SNAP47: variants seen among roughly 807,000 people sequenced by gnomAD.
The protein encoded by SNAP47 is synaptosomal-associated protein 47.
SNAP47 carries 20 observed loss-of-function variants against 31.4 expected under a neutral mutation model. The observed-to-expected ratio is 0.64, with a 90% CI of 0.45 to 0.93. SNAP47 has a LOEUF of 0.93. SNAP47 is among the 40% of genes least tolerant of loss of function. SNAP47 has a pLI of 0.00. For missense variants in SNAP47, 492 were observed against 528.5 expected (o/e 0.93, Z 0.68); for synonymous variants, 194 against 213.4 (o/e 0.91, Z 0.79).
Position 227,780,843 on chromosome 1 carries a change from C to A in SNAP47, c.*170C>A. The A allele has an allele frequency of 1.2e-6, 1 of 856,908 alleles. No homozygotes were observed. The highest frequency in any genetic ancestry group is 1.7e-6 in the Non-Finnish European group (1 of 572,052). 53.1% of individuals were successfully genotyped at this position (856,908 alleles called of 1,614,324 possible). ...CACCAGGGGCCTCCCCAGGTGTGCA[C>A]CATGCCTGCCTCCCACTTGGCTGTC... On this transcript the variant is annotated 3_prime_UTR_variant, in exon 5 of 5. Coordinates refer to ENST00000617596, the MANE Select transcript of SNAP47 (RefSeq NM_053052.4).
rs1406958027 is a variant in SNAP47, at chr1:227,781,177, G to A, written c.*504G>A. On this transcript the variant is annotated 3_prime_UTR_variant, in exon 5 of 5. Transcript: ENST00000617596. Reference sequence around the variant, plus strand: ...CTTTCAAACAAAAATATTGATTTCTGCTTTTAGGGCCCCGTTTCCATCCAG... The same window carrying A: ...CTTTCAAACAAAAATATTGATTTCTACTTTTAGGGCCCCGTTTCCATCCAG... 6.5e-6 allele frequency: 1 copy of A among 153,618 alleles called. No homozygotes were observed. The highest frequency in any genetic ancestry group is 1.4e-5 in the Non-Finnish European group (1 of 69,058). The allele number at this position is 153,618 out of a possible 1,614,324, so 9.5% of individuals were successfully genotyped here. A position where few individuals can be genotyped will look rare whatever the true frequency, so the allele number is the denominator to read the frequency against.
upstream of SNAP47, chr1:227,732,257 G>T: frequency 9.8e-7 from 1 of 1,025,418 alleles, no homozygotes; most frequent in Non-Finnish European, 1.5e-6. Flanking sequence ...CCAGGCAGTG[G>T]CCATGAACAG....
chr1:227,767,379 T>C (rs1558210986), intron 4 of SNAP47, among the ~76,000 whole-genome samples: 1 of 152,366 alleles, frequency 6.6e-6, no homozygotes, highest in South Asian at 2.1e-4. Flanking sequence ...TGTGTGTGTG[T>C]GCACAGGTGT....
At chr1:227,735,620 G>T in intron 1 of SNAP47, 121 bp downstream of exon 1, 1 of 1,326,716 alleles carries the variant, frequency 7.5e-7, no homozygotes, top group Non-Finnish European at 9.6e-7. Flanking sequence ...ATCCCCGGGG[G>T]GTGGGGGGTA....
intron 4 of SNAP47, among the ~76,000 whole-genome samples, chr1:227,773,290 A>G (rs1663943383): frequency 6.6e-6 from 1 of 152,134 alleles, no homozygotes; most frequent in African/African-American, 2.4e-5. Context: ...TTTCAAAAGT[A>G]AAAAATAAAA....
At chr1:227,759,915 G>T (rs114308532) in intron 3 of SNAP47, among the ~76,000 whole-genome samples, 1,546 of 152,310 alleles carry the variant, frequency 0.01, 18 homozygotes, top group African/African-American at 0.032. Context: ...TTCTGGGAAT[G>T]CATTAGTTCC....
At chr1:227,759,746 C>A (rs1255134733) in intron 3 of SNAP47, 2 of 525,254 alleles carry the variant, frequency 3.8e-6, no homozygotes, top group Non-Finnish European at 6.8e-6. Context: ...TGGTACCATG[C>A]TTTGGATACA....
At chr1:227,729,452 C>A (rs1468522870) in intron 1 of SNAP47, among the ~76,000 whole-genome samples, 1 of 152,142 alleles carries the variant, frequency 6.6e-6, no homozygotes, top group Non-Finnish European at 1.5e-5. Context: ...GGCACAATCA[C>A]CTGCCAAAAC....
At chr1:227,751,229 G>T (rs570389887) in intron 2 of SNAP47, among the ~76,000 whole-genome samples, 11 of 152,146 alleles carry the variant, frequency 7.2e-5, no homozygotes, top group African/African-American at 2.4e-4. Flanking sequence ...GTTCACCTGC[G>T]TCGGCCTGCA....
intron 1 of SNAP47, among the ~76,000 whole-genome samples, chr1:227,737,992 G>GT (rs1203136577): frequency 2.6e-5 from 4 of 151,942 alleles, no homozygotes; most frequent in Admixed American, 2.0e-4. Context: ...GATGACTGGG[G>GT]TTTTTTTGCT....
intron 4 of SNAP47, among the ~76,000 whole-genome samples, chr1:227,774,725 T>C (rs749060216): frequency 2.4e-4 from 37 of 152,242 alleles, no homozygotes; most frequent in Non-Finnish European, 3.7e-4. Flanking sequence ...CACATTTTAG[T>C]GCATTTTCAG....
intron 1 of SNAP47, among the ~76,000 whole-genome samples, chr1:227,745,186 A>G (rs903838784): frequency 2.0e-5 from 3 of 152,184 alleles, no homozygotes; most frequent in Non-Finnish European, 2.9e-5. Flanking sequence ...ATAAACATCC[A>G]ATAAACCTTT....
At chr1:227,738,693 A>G (rs1271253520) in intron 1 of SNAP47, among the ~76,000 whole-genome samples, 1 of 152,204 alleles carries the variant, frequency 6.6e-6, no homozygotes, top group Non-Finnish European at 1.5e-5. Flanking sequence ...GTTGTGGTGC[A>G]TGCAGATCAT....
chr1:227,732,932 C>T (rs1369396256), upstream of SNAP47: 1 of 1,613,184 alleles, frequency 6.2e-7, no homozygotes, highest in South Asian at 1.1e-5. Context: ...CGCTGACCTC[C>T]TCCTGCACGG....
intron 1 of SNAP47, among the ~76,000 whole-genome samples, chr1:227,737,608 T>G (rs1661309803): frequency 6.6e-6 from 1 of 152,200 alleles, no homozygotes; most frequent in Non-Finnish European, 1.5e-5. Flanking sequence ...TATGGGAGGT[T>G]CTAGGAGTGC....
chr1:227,734,002 C>T (rs1234749315), upstream of SNAP47: 12 of 1,613,674 alleles, frequency 7.4e-6, no homozygotes, highest in African/African-American at 2.7e-5. Flanking sequence ...AGTACACAGG[C>T]AGGGTGAAAA....
Position 227,759,052 on chromosome 1 carries a change from GAC to G in SNAP47, c.558_559del (p.Pro187ThrfsTer15). On this transcript the variant is annotated frameshift_variant, in exon 3 of 5. Transcript: ENST00000617596. LOFTEE classifies it high-confidence loss of function. The stretch of plus-strand genomic sequence containing the variant: ...GGCCCTTTAGCTCCAAGCTTTGGAA[GAC>G]ACCACCGGAAACAAAGCCCAGGGAA... The part of the protein sequence containing the change: ...WWPFSSKLWK[T>X]PPETKPREDV... 1.2e-6 allele frequency: 2 copies of G among 1,613,750 alleles called. No individual in the cohort carries two copies. Among genetic ancestry groups the G allele is most frequent in the Non-Finnish European group, 1.7e-6 (2 of 1,179,892 alleles).
chr1:227,746,636 A>G (rs1476149205), intron 1 of SNAP47: 1 of 152,222 alleles, frequency 6.6e-6, no homozygotes, highest in Admixed American at 6.5e-5. Flanking sequence ...GGACTCATGA[A>G]CGTGCTGCCA....
chr1:227,733,825 C>A (rs1226529868), upstream of SNAP47: 1 of 1,592,050 alleles, frequency 6.3e-7, no homozygotes, highest in Non-Finnish European at 8.5e-7. Context: ...TGCCAAGCAG[C>A]CCCCCTCCTG....
Sources: gnomAD v4.1 joint callset for allele counts (sites outside exome capture counted in the v4.1 genomes callset) on GRCh38, gnomAD v4.1.1 for gene constraint, MANE v1.5 for transcripts, NCBI Gene and HGNC (gene_info 2026-07-23, HGNC 2026-07-21) for gene names.